PTPRT: variants seen among roughly 807,000 people sequenced by gnomAD.
PTPRT encodes the protein receptor-type tyrosine-protein phosphatase T.
PTPRT carries 56 observed loss-of-function variants against 176.8 expected under a neutral mutation model. The observed-to-expected ratio is 0.32, with a 90% CI of 0.26 to 0.40. The LOEUF (loss-of-function observed/expected upper bound fraction) is 0.40, where lower values mean the gene tolerates loss of function less well. Ranked by LOEUF, PTPRT falls within the 10% of genes least tolerant of loss-of-function variation. PTPRT has a pLI of 1.00. For synonymous variants in PTPRT, 783 were observed against 739.0 expected (o/e 1.06, Z -0.96); for missense variants, 1,540 against 1,908.2 (o/e 0.81, Z 3.60).
At chr20:42,566,021 G>A (rs1186992725) in intron 7 of PTPRT, among the ~76,000 whole-genome samples, 1 of 152,104 alleles carries the variant, frequency 6.6e-6, no homozygotes, top group African/African-American at 2.4e-5. Flanking sequence ...CAGCTAGAGA[G>A]TATATTTCCT....
chr20:42,689,436 G>T (rs2425527), intron 6 of PTPRT, among the ~76,000 whole-genome samples: 14,150 of 152,048 alleles, frequency 0.093, 767 homozygotes, highest in South Asian at 0.16. Flanking sequence ...CCACCTCCAC[G>T]GATAAAACCT....
At chr20:43,124,266 GC>G (rs1254566305) in intron 1 of PTPRT, among the ~76,000 whole-genome samples, 1 of 152,190 alleles carries the variant, frequency 6.6e-6, no homozygotes, top group Non-Finnish European at 1.5e-5. Flanking sequence ...AAATTTATGA[GC>G]TAACAGAGTA....
chr20:42,286,676 C>G (rs2057235419), intron 12 of PTPRT, among the ~76,000 whole-genome samples: 1 of 151,566 alleles, frequency 6.6e-6, no homozygotes, highest in South Asian at 2.1e-4. Context: ...ACATATGACA[C>G]TGATCTAGGA....
chr20:42,199,203 C>A lies in PTPRT; in HGVS notation c.2491+37G>T, dbSNP rs1892626044. ...CAGAAGTACTAGGGCTGAGCTGGAC[C>A]ACGGATGTCCCCTTCCCCTTTGTTG... On this transcript the variant is annotated intron_variant, in intron 16 of 30. Transcript: ENST00000373187. 3 of 1,607,522 alleles carry A rather than the reference C, an allele frequency of 1.9e-6. No homozygotes were observed. In the South Asian group the frequency reaches 3.3e-5, roughly 18 times the overall value.
chr20:42,541,898 T>C (rs1391347742), intron 7 of PTPRT, among the ~76,000 whole-genome samples: 1 of 149,678 alleles, frequency 6.7e-6, no homozygotes, highest in Non-Finnish European at 1.5e-5. Flanking sequence ...AGTGATACGG[T>C]TTGGCTGTGT....
intron 1 of PTPRT, among the ~76,000 whole-genome samples, chr20:43,144,638 G>T (rs945855118): frequency 9.9e-5 from 15 of 152,172 alleles, no homozygotes; most frequent in African/African-American, 3.6e-4. Flanking sequence ...CGACAGAAAG[G>T]AGGTTAACGG....
chr20:42,787,105 T>C (rs208250), intron 3 of PTPRT, among the ~76,000 whole-genome samples: 73,881 of 152,102 alleles, frequency 0.49, 18,579 homozygotes, highest in Non-Finnish European at 0.54. Context: ...GTATGGCTTG[T>C]AAAGACAAAA....
chr20:42,338,810 C>G (rs2058074569), intron 11 of PTPRT, among the ~76,000 whole-genome samples: 1 of 152,090 alleles, frequency 6.6e-6, no homozygotes, highest in African/African-American at 2.4e-5. Context: ...TCAAGGAATT[C>G]AGAGGCACAC....
intron 1 of PTPRT, among the ~76,000 whole-genome samples, chr20:43,033,580 T>A (rs754238220): frequency 1.3e-5 from 2 of 152,194 alleles, no homozygotes; most frequent in African/African-American, 2.4e-5. Context: ...GAAGGAGCAA[T>A]GTTAATTAGT....
At chr20:42,222,965 T>C (rs902074151) in intron 15 of PTPRT, among the ~76,000 whole-genome samples, 5 of 152,144 alleles carry the variant, frequency 3.3e-5, no homozygotes, top group South Asian at 2.1e-4. Flanking sequence ...GATCTGACAC[T>C]ATCTCCAGGT....
At chr20:42,546,574 T>C (rs2072678507) in intron 7 of PTPRT, among the ~76,000 whole-genome samples, 1 of 152,212 alleles carries the variant, frequency 6.6e-6, no homozygotes, top group Non-Finnish European at 1.5e-5. Context: ...AACTAACTGC[T>C]TTGTGTAAGA....
chr20:42,433,438 C>T (rs376984243), intron 9 of PTPRT, among the ~76,000 whole-genome samples: 3 of 152,294 alleles, frequency 2.0e-5, no homozygotes, highest in East Asian at 3.9e-4. Context: ...ACCTTGCAGG[C>T]TAACCCCATT....
chr20:42,242,944 C>T (rs887611198), intron 14 of PTPRT, among the ~76,000 whole-genome samples: 3 of 149,308 alleles, frequency 2.0e-5, no homozygotes, highest in Non-Finnish European at 3.0e-5. Context: ...GGGTGGGGCA[C>T]AGTTAGGAAG....
At chr20:42,504,527 T>C (rs1474453527) in intron 7 of PTPRT, among the ~76,000 whole-genome samples, 1 of 152,172 alleles carries the variant, frequency 6.6e-6, no homozygotes, top group African/African-American at 2.4e-5. Context: ...CATTTTGCTT[T>C]CAGTCTAATT....
chr20:43,029,709 G>C (rs1400342270), intron 1 of PTPRT, among the ~76,000 whole-genome samples: 2 of 152,348 alleles, frequency 1.3e-5, no homozygotes, highest in South Asian at 2.1e-4. Context: ...GTGGTCAAAG[G>C]CTTGGCCTTA....
intron 1 of PTPRT, among the ~76,000 whole-genome samples, chr20:43,188,212 T>C (rs1198752300): frequency 6.6e-6 from 1 of 151,806 alleles, no homozygotes; most frequent in Non-Finnish European, 1.5e-5. Flanking sequence ...CCCCCCAAAA[T>C]GAGGAAAACA....
At chr20:42,923,510 A>G (rs1979288431) in intron 1 of PTPRT, among the ~76,000 whole-genome samples, 2 of 152,240 alleles carry the variant, frequency 1.3e-5, no homozygotes, top group Non-Finnish European at 2.9e-5. Flanking sequence ...AGATTGGCAG[A>G]TAAAGCCCAC....
intron 9 of PTPRT, among the ~76,000 whole-genome samples, chr20:42,407,836 C>A (rs1600972603): frequency 6.6e-6 from 1 of 151,856 alleles, no homozygotes; most frequent in Non-Finnish European, 1.5e-5. Context: ...TATCTAAGTA[C>A]ATAAAAAATC....
intron 7 of PTPRT, among the ~76,000 whole-genome samples, chr20:42,663,208 G>C (rs1427783428): frequency 1.3e-5 from 2 of 152,006 alleles, no homozygotes; most frequent in Non-Finnish European, 2.9e-5. Flanking sequence ...GTACAAAGAG[G>C]GGCCTGGAAA....
Sources: gnomAD v4.1 joint callset for allele counts (sites outside exome capture counted in the v4.1 genomes callset) on GRCh38, gnomAD v4.1.1 for gene constraint, MANE v1.5 for transcripts, NCBI Gene and HGNC (gene_info 2026-07-23, HGNC 2026-07-21) for gene names.